SLC48A1: variants seen among roughly 807,000 people sequenced by gnomAD.
SLC48A1 encodes the protein heme transporter HRG1.
SLC48A1 carries 6 observed loss-of-function variants against 14.8 expected under a neutral mutation model. The ratio of observed to expected loss-of-function variants is 0.41; its 90% CI spans 0.22 to 0.80. The LOEUF (loss-of-function observed/expected upper bound fraction) is 0.80. Among genes scored for constraint, SLC48A1 ranks in the 30% least tolerant of loss-of-function variants. The probability of loss-of-function intolerance (pLI) is 0.34; values close to 1 mark genes in which losing one functional copy is unlikely to be tolerated. For missense variants in SLC48A1, 165 were observed against 204.8 expected, an observed-to-expected ratio of 0.81 and a Z score of 1.19; for synonymous variants, 89 against 90.0, an observed-to-expected ratio of 0.99 and a Z score of 0.06.
intron 2 of SLC48A1, among the ~76,000 whole-genome samples, chr12:47,764,120 A>G (rs1040037669): frequency 6.6e-6 from 1 of 151,964 alleles, no homozygotes; most frequent in Non-Finnish European, 1.5e-5. Context: ...TTCTCCCCCA[A>G]CTTCTGCTTC....
In SLC48A1 at chr12:47,780,666, A is replaced by G; in HGVS notation, c.*385A>G. The G allele has an allele frequency of 2.5e-6, 1 of 407,064 alleles. No homozygotes were observed. The highest frequency in any genetic ancestry group is 1.8e-5 in the South Asian group (1 of 55,420). 25.2% of individuals were successfully genotyped at this position (407,064 alleles called of 1,614,324 possible). A position where few individuals can be genotyped will look rare whatever the true frequency, so the allele number is the denominator to read the frequency against. On this transcript the variant is annotated 3_prime_UTR_variant, in exon 3 of 3. Coordinates refer to ENST00000442218, the MANE Select transcript of SLC48A1 (RefSeq NM_017842.3). ...ACTGCAACCTCCGCCTCCCAGGTTCAAGCAATTCTCCTGCCTTGGCCTCTC... is the reference window on the plus strand; with the variant it reads ...ACTGCAACCTCCGCCTCCCAGGTTCGAGCAATTCTCCTGCCTTGGCCTCTC...
At chr12:47,759,284 G>C in intron 1 of SLC48A1, 1 of 212,062 alleles carries the variant, frequency 4.7e-6, no homozygotes, top group South Asian at 1.7e-4. Flanking sequence ...TCCCGGCTGG[G>C]GGTGTCTGCC....
At position 47,773,310 on chromosome 12, in the gene SLC48A1, C is replaced by A; in HGVS notation, c.6C>A (p.Ala2=). The change falls in exon 1 of 3, where the codon GCC becomes GCA. Residue 2 remains alanine, a synonymous_variant. Coordinates refer to ENST00000442218, the MANE Select transcript of SLC48A1 (RefSeq NM_017842.3). ...CCGCCCGGCGCCGCAGCCCCATGGC[C>A]CCGTCCAGGCTGCAGCTCGGCCTCC... is the stretch of plus-strand genomic sequence containing the variant. The part of the protein sequence containing the change: M[A]PSRLQLGLRA... 6.8e-7 allele frequency: 1 copy of A among 1,460,522 alleles called. No individual in the cohort carries two copies. Among genetic ancestry groups the A allele is most frequent in the East Asian group, 3.1e-5 (1 of 32,128 alleles). 90.5% of individuals were successfully genotyped at this position (1,460,522 alleles called of 1,614,324 possible). A position where few individuals can be genotyped will look rare whatever the true frequency, so the allele number is the denominator to read the frequency against.
upstream of SLC48A1, chr12:47,756,577 G>T (rs1410630053): frequency 1.3e-5 from 2 of 152,130 alleles, no homozygotes; most frequent in African/African-American, 2.4e-5. Context: ...GTAGGTCTCA[G>T]TTTTTTCAAC....
At chr12:47,767,262 A>G (rs76411961), upstream of SLC48A1, among the ~76,000 whole-genome samples, 1,528 of 152,314 alleles carry the variant, frequency 0.01, 54 homozygotes, top group East Asian at 0.14. Context: ...CTCACTACCT[A>G]GGTACACAAG....
At chr12:47,758,943 G>C in intron 1 of SLC48A1, 1 of 1,025,306 alleles carries the variant, frequency 9.8e-7, no homozygotes, top group Non-Finnish European at 1.2e-6. Context: ...CCCTCCCCAG[G>C]ACTGGCGGAG....
chr12:47,779,101 G>C lies in SLC48A1; in HGVS notation c.210G>C (p.Gly70=), dbSNP rs1162891438. ...MQDYWRTWLK[G]LRGFFFVGVL... The stretch of plus-strand genomic sequence containing the variant: ...ATTATTGGAGGACCTGGCTCAAGGG[G>C]CTGCGCGGCTTCTTCTTCGTGGGCG... Residue 70 remains glycine (G), a synonymous_variant, in exon 2 of 3, where the codon GGG becomes GGC. Transcript: ENST00000442218. 1.0e-5 allele frequency: 16 copies of C among 1,551,752 alleles called. No individual in the cohort carries two copies. Among genetic ancestry groups the C allele is most frequent in the Non-Finnish European group, 1.4e-5 (16 of 1,147,052 alleles).
chr12:47,763,150 G>A (rs975646438), intron 2 of SLC48A1, among the ~76,000 whole-genome samples: 1 of 114,570 alleles, frequency 8.7e-6, no homozygotes, highest in African/African-American at 2.9e-5. Flanking sequence ...GGAAGGGAGA[G>A]GAGCTAGTTT....
intron 1 of SLC48A1, 66 bp from the exon 2 acceptor site, chr12:47,778,962 T>C (rs1207966894): frequency 6.8e-7 from 1 of 1,471,300 alleles, no homozygotes; most frequent in Non-Finnish European, 9.1e-7. Flanking sequence ...CAAATAGGCC[T>C]GGTCTAGTGG....
At chr12:47,768,766 T>A (rs1220411009), upstream of SLC48A1, 3 of 152,208 alleles carry the variant, frequency 2.0e-5, no homozygotes, top group African/African-American at 7.2e-5. Flanking sequence ...AAATCTGTCT[T>A]AGTGTTGGTG....
chr12:47,776,025 A>T (rs1942743981), intron 1 of SLC48A1, among the ~76,000 whole-genome samples: 1 of 152,200 alleles, frequency 6.6e-6, no homozygotes, highest in Non-Finnish European at 1.5e-5. Context: ...CCTGAAGTCT[A>T]AACAGCTCTA....
Position 47,782,339 on chromosome 12 carries a change from C to G in SLC48A1, c.*2058C>G, listed in dbSNP as rs1942904004. 1 of 152,264 alleles carries G rather than the reference C, an allele frequency of 6.6e-6. No individual in the cohort carries two copies. The highest frequency in any genetic ancestry group is 6.5e-5 in the Admixed American group (1 of 15,286). The allele number at this position is 152,264 out of a possible 1,614,324, so 9.4% of individuals were successfully genotyped here. A position where few individuals can be genotyped will look rare whatever the true frequency, so the allele number is the denominator to read the frequency against. On this transcript the variant is annotated 3_prime_UTR_variant, in exon 3 of 3. Coordinates refer to ENST00000442218, the MANE Select transcript of SLC48A1 (RefSeq NM_017842.3). ...CAGAAGACGATTTGACTTACCTGAG[C>G]TCCCAGCTGGGACTTAAACCCAGGT...
chr12:47,756,596 A>G (rs968965134), upstream of SLC48A1: 2 of 151,904 alleles, frequency 1.3e-5, no homozygotes, highest in African/African-American at 4.8e-5. Flanking sequence ...ACTCAGCCTC[A>G]CTGTAAATGG....
At chr12:47,771,841 G>A (rs1403000517), upstream of SLC48A1, among the ~76,000 whole-genome samples, 1 of 151,966 alleles carries the variant, frequency 6.6e-6, no homozygotes, top group Non-Finnish European at 1.5e-5. Context: ...GCTGATGCAG[G>A]AGAATCACCT....
intron 2 of SLC48A1, among the ~76,000 whole-genome samples, chr12:47,766,181 G>A (rs1467017981): frequency 6.6e-6 from 1 of 152,192 alleles, no homozygotes; most frequent in Non-Finnish European, 1.5e-5. Context: ...GGACCCACGT[G>A]CACTGATGAA....
chr12:47,758,359 G>C, upstream of SLC48A1: 1 of 1,464,046 alleles, frequency 6.8e-7, no homozygotes. Context: ...GCCCCTGCAG[G>C]GATCTCCACT....
At chr12:47,766,469 G>A (rs12815462) in intron 2 of SLC48A1, among the ~76,000 whole-genome samples, 18,895 of 152,078 alleles carry the variant, frequency 0.12, 1,339 homozygotes, top group Non-Finnish European at 0.16. Context: ...TATCCACCCC[G>A]CCCTCCCCAT....
chr12:47,773,146 G>A (rs1243324622), upstream of SLC48A1: 4 of 966,788 alleles, frequency 4.1e-6, no homozygotes, highest in African/African-American at 5.3e-5. Context: ...GCCTCCGGCC[G>A]GGGAGGGCGC....
chr12:47,758,608 G>A (rs554374455), exon 1 of SLC48A1: 3 of 1,610,892 alleles, frequency 1.9e-6, no homozygotes, highest in Non-Finnish European at 2.5e-6. Context: ...AGGCTGGGGG[G>A]TCCCCAGCGA....
Sources: gnomAD v4.1 joint callset for allele counts (sites outside exome capture counted in the v4.1 genomes callset) on GRCh38, gnomAD v4.1.1 for gene constraint, MANE v1.5 for transcripts, NCBI Gene and HGNC (gene_info 2026-07-23, HGNC 2026-07-21) for gene names.